MSLN: variants seen among roughly 807,000 people sequenced by gnomAD.
MSLN encodes CAK1 antigen.
In MSLN, 82 loss-of-function variants were observed where a neutral mutation model predicts 72.6. The ratio of observed to expected loss-of-function variants is 1.13; its 90% CI spans 0.94 to 1.36. The LOEUF (loss-of-function observed/expected upper bound fraction) is 1.36, where lower values mean the gene tolerates loss of function less well. MSLN is among the 40% of genes most tolerant of loss of function. The pLI, the probability that MSLN is intolerant of heterozygous loss-of-function variation, is 0.00. For missense variants in MSLN, 1,005 were observed against 847.9 expected, an observed-to-expected ratio of 1.19 and a Z score of -2.30; for synonymous variants, 456 against 387.3, an observed-to-expected ratio of 1.18 and a Z score of -2.08.
rs1159504912 is a variant in MSLN at position 766,448 on chromosome 16, G to A, written c.1188G>A (p.Lys396=). ...ATGTGACGTCCCTGGAGACCCTGAA[G>A]GCTTTGCTTGAAGTCAACAAAGGGC... is the stretch of plus-strand genomic sequence containing the variant. ...KWNVTSLETL[K]ALLEVNKGHE... The change falls in exon 13 of 18, where the codon AAG becomes AAA. Residue 396 remains lysine, a synonymous_variant. Coordinates refer to ENST00000545450, the MANE Select transcript of MSLN (RefSeq NM_005823.6). The A allele has an allele frequency of 6.2e-7, 1 of 1,612,694 alleles. No individual in the cohort carries two copies. Among genetic ancestry groups the A allele is most frequent in the Non-Finnish European group, 8.5e-7 (1 of 1,179,916 alleles).
intron 7 of MSLN, 29 bp downstream of exon 7, chr16:764,755 C>T: frequency 6.3e-7 from 1 of 1,584,838 alleles, no homozygotes; most frequent in Non-Finnish European, 8.6e-7. Context: ...ACCCACCCCC[C>T]CGGCTTTTGC....
At chr16:765,324 C>T in intron 9 of MSLN, 21 bp downstream of exon 9, 1 of 1,539,876 alleles carries the variant, frequency 6.5e-7, no homozygotes, top group South Asian at 1.2e-5. Flanking sequence ...GTGTCTGGAA[C>T]CTCGAAGGCT....
intron 3 of MSLN, 105 bp downstream of exon 3, chr16:762,870 C>A: frequency 1.1e-6 from 1 of 937,644 alleles, no homozygotes; most frequent in Non-Finnish European, 1.6e-6. Context: ...CCTGGAGTGC[C>A]TGTGGTGGCC....
Position 766,164 on chromosome 16 carries a change from C to T in MSLN, c.1001C>T (p.Thr334Ile). The change falls in exon 12 of 18, where the codon ACC becomes ATC. Residue 334 changes from threonine (T) to isoleucine (I), a missense_variant. Thr to Ile is a moderately conservative substitution (Grantham distance 89). Coordinates refer to ENST00000545450, the MANE Select transcript of MSLN (RefSeq NM_005823.6). The stretch of plus-strand genomic sequence containing the variant: ...TGCGTGGATGCGGCCCTGCTGGCCA[C>T]CCAGATGGACCGCGTGAACGCCATC... ...EACVDAALLA[T>I]QMDRVNAIPF... 2 of 1,612,730 alleles carry T rather than the reference C, an allele frequency of 1.2e-6. No individual in the cohort carries two copies.
At chr16:763,873 C>T (rs1340033678) in intron 5 of MSLN, 150 bp from the exon 6 acceptor site, 1 of 1,144,796 alleles carries the variant, frequency 8.7e-7, no homozygotes, top group Non-Finnish European at 1.2e-6. Flanking sequence ...CAACTCCCGG[C>T]CCTTGAGGGC....
intron 4 of MSLN, 62 bp downstream of exon 4, chr16:763,338 G>C: frequency 7.4e-7 from 1 of 1,347,976 alleles, no homozygotes; most frequent in Non-Finnish European, 1.0e-6. Context: ...GTGCCATGCT[G>C]TGTTCTCTCT....
In MSLN at chr16:763,695, G is replaced by T. The variant is rs1398266512; in HGVS notation, c.179+4G>T. On this transcript the variant is annotated splice_donor_region_variant and intron_variant, in intron 5 of 17. Coordinates refer to ENST00000545450, the MANE Select transcript of MSLN (RefSeq NM_005823.6). ...CCAACCCACCTAACATTTCCAGGTGGGTCTGGGGTCCTCACAGTCCTCAAG... is the reference window on the plus strand; with the variant it reads ...CCAACCCACCTAACATTTCCAGGTGTGTCTGGGGTCCTCACAGTCCTCAAG... The T allele has an allele frequency of 1.6e-6, 2 of 1,282,972 alleles. No homozygotes were observed. Among genetic ancestry groups the T allele is most frequent in the South Asian group, 1.8e-5 (1 of 54,228 alleles). 79.5% of individuals were successfully genotyped at this position (1,282,972 alleles called of 1,614,324 possible).
rs1279393337 is a variant in MSLN at position 765,569 on chromosome 16, G to A, written c.747G>A (p.Arg249=). 6.2e-7 allele frequency: 1 copy of A among 1,606,574 alleles called. No individual in the cohort carries two copies. The highest frequency in any genetic ancestry group is 8.5e-7 in the Non-Finnish European group (1 of 1,179,414). Residue 249 remains arginine (R), a synonymous_variant, in exon 10 of 18, where the codon CGG becomes CGA. Coordinates refer to ENST00000545450, the MANE Select transcript of MSLN (RefSeq NM_005823.6). ...CTGTCTCCACGATGGACGCTCTGCG[G>A]GGCCTGCTGCCCGTGCTGGGCCAGC... The part of the protein sequence containing the change: ...TWSVSTMDAL[R]GLLPVLGQPI...
Position 765,041 on chromosome 16 carries a change from G to A in MSLN, c.510+5G>A, listed in dbSNP as rs755867062. 6.2e-7 allele frequency: 1 copy of A among 1,611,064 alleles called. No individual in the cohort carries two copies. The highest frequency in any genetic ancestry group is 8.5e-7 in the Non-Finnish European group (1 of 1,179,156). On this transcript the variant is annotated splice_donor_5th_base_variant and intron_variant, in intron 8 of 17. Coordinates refer to ENST00000545450, the MANE Select transcript of MSLN (RefSeq NM_005823.6). ...CCTGCGGCTCTGGCCTGCTGGGTAG[G>A]GGCTGGGGCCAGCGCGGGGCGGAGA...
chr16:764,148 G>A lies in MSLN; in HGVS notation c.300+5G>A, dbSNP rs761035962. 1.9e-6 allele frequency: 3 copies of A among 1,601,670 alleles called. No homozygotes were observed. Among genetic ancestry groups the A allele is most frequent in the South Asian group, 2.2e-5 (2 of 91,004 alleles). ...GTCAAGCTCTCAACAGAGCAGGTCA[G>A]TCTCAGTTGGGCTGAGGCAGGTGGG... is the stretch of plus-strand genomic sequence containing the variant. On this transcript the variant is annotated splice_donor_5th_base_variant and intron_variant, in intron 6 of 17. Transcript: ENST00000545450.
chr16:767,057 A>C, intron 15 of MSLN, 45 bp downstream of exon 15: 1 of 1,610,468 alleles, frequency 6.2e-7, no homozygotes, highest in Non-Finnish European at 8.5e-7. Context: ...ACAACGGGGG[A>C]AGCACAGACT....
In MSLN at chr16:763,282, G is replaced by A. The variant is rs1426713733; in HGVS notation, c.129+6G>A. The A allele has an allele frequency of 5.2e-6, 8 of 1,542,712 alleles. No individual in the cohort carries two copies. The highest frequency in any genetic ancestry group is 7.0e-6 in the Non-Finnish European group (8 of 1,144,772). ...TGGCTGGAGAGACAGGGCAGGTAAG[G>A]TCCCCTCTGGGGAAACAGGGGAGGG... is the stretch of plus-strand genomic sequence containing the variant. On this transcript the variant is annotated splice_donor_region_variant and intron_variant, in intron 4 of 17. Coordinates refer to ENST00000545450, the MANE Select transcript of MSLN (RefSeq NM_005823.6).
chr16:763,265 G>A lies in MSLN; in HGVS notation c.118G>A (p.Glu40Lys), dbSNP rs2041559510. The A allele has an allele frequency of 6.5e-7, 1 of 1,542,472 alleles. No individual in the cohort carries two copies. Among genetic ancestry groups the A allele is most frequent in the African/African-American group, 1.4e-5 (1 of 72,184 alleles). ...GCAGCCCTCGAGGACCCTGGCTGGA[G>A]AGACAGGGCAGGTAAGGTCCCCTCT... Reference protein sequence around the residue: ...WVQPSRTLAGETGQEAAPLDG... With the variant: ...WVQPSRTLAGKTGQEAAPLDG... Residue 40 changes from glutamate (E) to lysine (K), a missense_variant, in exon 4 of 18, where the codon GAG becomes AAG. By Grantham distance (56) the Glu-to-Lys change is moderately conservative. Transcript: ENST00000545450.
chr16:766,560 G>C (rs2041612813), intron 13 of MSLN, 70 bp downstream of exon 13: 1 of 1,609,050 alleles, frequency 6.2e-7, no homozygotes, highest in Admixed American at 1.7e-5. Context: ...GGGGGACAAA[G>C]CCTGAGGTTG....
rs1567358150 is a variant in MSLN, at chr16:766,117, C to T, written c.954C>T (p.Tyr318=). The T allele has an allele frequency of 4.3e-6, 7 of 1,612,740 alleles. No individual in the cohort carries two copies. The highest frequency in any genetic ancestry group is 1.3e-5 in the African/African-American group (1 of 75,072). Residue 318 remains tyrosine, a synonymous_variant, in exon 12 of 18, where the codon TAC becomes TAT. Transcript: ENST00000545450. ...AREIDESLIF[Y]KKWELEACVD... is the part of the protein sequence containing the mutation. ...AGATAGACGAGAGCCTCATCTTCTA[C>T]AAGAAGTGGGAGCTGGAAGCCTGCG...
chr16:763,453 A>G (rs1232583481), intron 4 of MSLN, among the ~76,000 whole-genome samples, 177 bp downstream of exon 4: 2 of 152,152 alleles, frequency 1.3e-5, no homozygotes, highest in Non-Finnish European at 2.9e-5. Context: ...AGGGAGCGGC[A>G]GAGCTGAAAT....
Position 768,824 on chromosome 16 carries a change from A to C in MSLN, c.*91A>C. The C allele has an allele frequency of 7.9e-7, 1 of 1,265,214 alleles. No homozygotes were observed. The highest frequency in any genetic ancestry group is 1.1e-6 in the Non-Finnish European group (1 of 886,100). 78.4% of individuals were successfully genotyped at this position (1,265,214 alleles called of 1,614,324 possible). ...GTGGTCCCCGTTCCACCCCAAGAGAACTCGCGCTCAGTAAACGGGAACATG... is the reference window on the plus strand; with the variant it reads ...GTGGTCCCCGTTCCACCCCAAGAGACCTCGCGCTCAGTAAACGGGAACATG... On this transcript the variant is annotated 3_prime_UTR_variant, in exon 18 of 18. Coordinates refer to ENST00000545450, the MANE Select transcript of MSLN (RefSeq NM_005823.6).
chr16:768,460 C>CG lies in MSLN; in HGVS notation c.1681dup (p.Asp561GlyfsTer?). Reference sequence around the variant, plus strand: ...GGCGGAGGAGCGGCACCGCCCGGTGCGGGACTGGATCCTACGGCAGCGGCA... The same window carrying CG: ...GGCGGAGGAGCGGCACCGCCCGGTGCGGGGACTGGATCCTACGGCAGCGGCA... On this transcript the variant is annotated frameshift_variant, in exon 17 of 18. Coordinates refer to ENST00000545450, the MANE Select transcript of MSLN (RefSeq NM_005823.6). LOFTEE classifies it high-confidence loss of function. The CG allele has an allele frequency of 1.3e-6, 2 of 1,555,652 alleles. No individual in the cohort carries two copies. The highest frequency in any genetic ancestry group is 1.4e-5 in the African/African-American group (1 of 73,640).
chr16:766,621 G>T, intron 13 of MSLN, 47 bp from the exon 14 acceptor site: 1 of 1,611,384 alleles, frequency 6.2e-7, no homozygotes. Context: ...GTGGTGGAGG[G>T]ATACATCTCT....
Sources: allele counts gnomAD v4.1 joint callset (sites outside exome capture counted in the v4.1 genomes callset), GRCh38; gene constraint gnomAD v4.1.1; transcripts MANE v1.5; gene names NCBI Gene and HGNC (gene_info 2026-07-23, HGNC 2026-07-21).